Variants in GSDMC observed in about 807,000 individuals in gnomAD.
The protein encoded by GSDMC is gasdermin C.
In GSDMC, 59 loss-of-function variants were observed where a neutral mutation model predicts 58.0. The ratio of observed to expected loss-of-function variants is 1.02; its 90% confidence interval spans 0.82 to 1.26. The LOEUF (loss-of-function observed/expected upper bound fraction) is 1.26. Among genes scored for constraint, GSDMC ranks in the 50% most tolerant of loss-of-function variants. The pLI, the probability that GSDMC is intolerant of heterozygous loss-of-function variation, is 0.00. For missense variants in GSDMC, 659 were observed against 598.5 expected, an observed-to-expected ratio of 1.10 and a Z score of -1.06; for synonymous variants, 241 against 220.2, an observed-to-expected ratio of 1.09 and a Z score of -0.83.
intron 5 of GSDMC, among the ~76,000 whole-genome samples, chr8:129,761,800 A>G (rs1353571470): frequency 1.3e-5 from 2 of 152,134 alleles, no homozygotes; most frequent in African/African-American, 4.8e-5. Flanking sequence ...AGAGTCCTCT[A>G]ACTGAAAGAC....
the GSDMC span, among the ~76,000 whole-genome samples, chr8:129,724,959 G>A: frequency 3.3e-5 from 5 of 152,150 alleles, no homozygotes; most frequent in African/African-American, 1.2e-4. Flanking sequence ...CTACTTGGAG[G>A]TTTTCTTGAA....
the GSDMC span, among the ~76,000 whole-genome samples, chr8:129,722,011 T>A: frequency 6.6e-6 from 1 of 152,080 alleles, no homozygotes; most frequent in South Asian, 2.1e-4. Context: ...TACCCTAAAC[T>A]GAGAAAGGAC....
At chr8:129,721,663 C>T in the GSDMC span, among the ~76,000 whole-genome samples, 1 of 152,254 alleles carries the variant, frequency 6.6e-6, no homozygotes, top group Middle Eastern at 3.4e-3. Context: ...GATCCAGGTC[C>T]TCATTACTAC....
rs2130308462 is a variant in GSDMC at position 129,748,406 on chromosome 8, G to A, written c.*95C>T. The stretch of plus-strand genomic sequence containing the variant: ...TCTCTACTCCACCTGGAAACGCAGA[G>A]AGGCACAGCCCTATCTCTTGCACCC... On this transcript the variant is annotated 3_prime_UTR_variant, in exon 14 of 14. Coordinates refer to ENST00000276708, the MANE Select transcript of GSDMC (RefSeq NM_031415.3). 5.6e-6 allele frequency: 7 copies of A among 1,259,980 alleles called. No homozygotes were observed. Among genetic ancestry groups the A allele is most frequent in the South Asian group, 3.5e-5 (2 of 57,770 alleles). The allele number at this position is 1,259,980 out of a possible 1,614,324, so 78.1% of individuals were successfully genotyped here.
At chr8:129,751,429 G>T in intron 10 of GSDMC, 113 bp downstream of exon 10, 1 of 793,044 alleles carries the variant, frequency 1.3e-6, no homozygotes, top group Non-Finnish European at 2.1e-6. Flanking sequence ...TGAGCAAAGT[G>T]CAAATTTGGA....
intron 1 of GSDMC, among the ~76,000 whole-genome samples, chr8:129,782,746 C>G (rs2034450431): frequency 6.6e-6 from 1 of 152,052 alleles, no homozygotes; most frequent in Non-Finnish European, 1.5e-5. Flanking sequence ...AAGCCTGGGA[C>G]CCAGTGAATT....
chr8:129,721,961 G>A, the GSDMC span, among the ~76,000 whole-genome samples: 3 of 152,162 alleles, frequency 2.0e-5, no homozygotes, highest in African/African-American at 7.2e-5. Flanking sequence ...ATGACTTAGA[G>A]TGGAAAAGAC....
chr8:129,765,546 A>G, intron 4 of GSDMC, 82 bp downstream of exon 4: 1 of 952,884 alleles, frequency 1.0e-6, no homozygotes, highest in Non-Finnish European at 1.7e-6. Context: ...TAGAGTCCAG[A>G]GCCCCCTAGG....
At chr8:129,763,467 C>T (rs905087528) in intron 4 of GSDMC, among the ~76,000 whole-genome samples, 2 of 152,154 alleles carry the variant, frequency 1.3e-5, no homozygotes, top group Non-Finnish European at 2.9e-5. Context: ...GTCTCAGAAC[C>T]TTCCTTGTAT....
intron 6 of GSDMC, 41 bp from the exon 7 acceptor site, chr8:129,752,861 A>G (rs2033270413): frequency 4.3e-6 from 7 of 1,613,462 alleles, no homozygotes; most frequent in African/African-American, 4.0e-5. Flanking sequence ...GTAACTTTAC[A>G]TTGAACTCAG....
At chr8:129,730,996 A>T in the GSDMC span, among the ~76,000 whole-genome samples, 1 of 152,242 alleles carries the variant, frequency 6.6e-6, no homozygotes, top group African/African-American at 2.4e-5. Flanking sequence ...ATTATCAAAA[A>T]TTCAGTTTAA....
intron 1 of GSDMC, among the ~76,000 whole-genome samples, chr8:129,783,028 C>A (rs1170603458): frequency 6.6e-6 from 1 of 152,036 alleles, no homozygotes; most frequent in Non-Finnish European, 1.5e-5. Flanking sequence ...TGGGATTTAT[C>A]CCAGGGATGC....
chr8:129,769,807 C>T (rs2033990950), intron 3 of GSDMC, among the ~76,000 whole-genome samples: 3 of 152,116 alleles, frequency 2.0e-5, no homozygotes, highest in East Asian at 1.9e-4. Context: ...ACTCAGTTGT[C>T]CTTCAGAGAT....
chr8:129,718,081 C>T, the GSDMC span, among the ~76,000 whole-genome samples: 1 of 152,096 alleles, frequency 6.6e-6, no homozygotes, highest in Non-Finnish European at 1.5e-5. Context: ...TAGAAGAAAA[C>T]ATAGTCAATA....
At chr8:129,711,652 G>C in the GSDMC span, among the ~76,000 whole-genome samples, 1 of 152,184 alleles carries the variant, frequency 6.6e-6, no homozygotes, top group South Asian at 2.1e-4. Flanking sequence ...GATACAAAAG[G>C]AGAGACCAAA....
At chr8:129,724,838 G>T in the GSDMC span, among the ~76,000 whole-genome samples, 4 of 152,102 alleles carry the variant, frequency 2.6e-5, no homozygotes, top group African/African-American at 9.7e-5. Flanking sequence ...ACAGGGCCTT[G>T]AAGTATTCAA....
intron 7 of GSDMC, 45 bp downstream of exon 7, chr8:129,752,653 A>G: frequency 2.5e-6 from 4 of 1,607,464 alleles, no homozygotes; most frequent in Non-Finnish European, 3.4e-6. Flanking sequence ...TGCACAAAGA[A>G]AAGCATCAAC....
At position 129,753,465 on chromosome 8, in the gene GSDMC, G is replaced by A. The variant is rs182004645; in HGVS notation, c.722-645C>T. ...CAGAATTCATCATCTGCTGAATACA[G>A]AACCATTGGGCCCTAAATAACCAGC... On this transcript the variant is annotated intron_variant, in intron 6 of 13. Transcript: ENST00000276708. Among the ~76,000 whole-genome samples the A allele has an allele frequency of 4.6e-5, 7 of 152,310 alleles. No individual in the cohort carries two copies. In the East Asian group the frequency reaches 1.3e-3, roughly 29 times the overall value.
chr8:129,760,492 T>C (rs1586590764), intron 6 of GSDMC, 53 bp downstream of exon 6: 1 of 961,092 alleles, frequency 1.0e-6, no homozygotes, highest in East Asian at 2.4e-5. Flanking sequence ...TATACATACC[T>C]CCCATGTACT....
Sources: allele counts gnomAD v4.1 joint callset (sites outside exome capture counted in the v4.1 genomes callset), GRCh38; gene constraint gnomAD v4.1.1; transcripts MANE v1.5; gene names NCBI Gene and HGNC (gene_info 2026-07-23, HGNC 2026-07-21).